FRMPD2: variants seen among roughly 807,000 people sequenced by gnomAD.
FRMPD2 encodes FERM and PDZ domain containing 2.
A neutral mutation model predicts 140.1 loss-of-function variants in FRMPD2; 96 were observed. The observed-to-expected ratio is 0.69, with a 90% CI of 0.58 to 0.81. The LOEUF is 0.81. FRMPD2 is among the 40% of genes least tolerant of loss of function. The probability of loss-of-function intolerance (pLI) is 0.00; values close to 1 mark genes in which losing one functional copy is unlikely to be tolerated. For missense variants in FRMPD2, 1,240 were observed against 1,447.4 expected (o/e 0.86, Z 2.32); for synonymous variants, 449 against 547.6 (o/e 0.82, Z 2.52).
chr10:48,208,146 G>C (rs148447996), intron 13 of FRMPD2, among the ~76,000 whole-genome samples: 1 of 152,106 alleles, frequency 6.6e-6, no homozygotes, highest in East Asian at 1.9e-4. Context: ...GGCCAGCCTG[G>C]GCATGTGATT....
At chr10:48,162,688 ATACT>A (rs1425933242) in intron 28 of FRMPD2, among the ~76,000 whole-genome samples, 3 of 146,406 alleles carry the variant, frequency 2.0e-5, no homozygotes, top group African/African-American at 7.7e-5. Flanking sequence ...AGAATCGGAA[ATACT>A]TACAGATGGA....
intron 16 of FRMPD2, among the ~76,000 whole-genome samples, chr10:48,191,501 C>T (rs1036388446): frequency 1.3e-5 from 2 of 152,132 alleles, no homozygotes; most frequent in Non-Finnish European, 1.5e-5. Context: ...TGCTCGAAAC[C>T]GTTTTGCCTT....
At chr10:48,222,037 T>C (rs79610490) in intron 12 of FRMPD2, among the ~76,000 whole-genome samples, 1 of 123,340 alleles carries the variant, frequency 8.1e-6, no homozygotes, top group Non-Finnish European at 1.7e-5. Context: ...TGGATGGATA[T>C]ATGAATAGGT....
chr10:48,203,093 G>A (rs2131866531), intron 14 of FRMPD2, among the ~76,000 whole-genome samples: 1 of 152,252 alleles, frequency 6.6e-6, no homozygotes, highest in Admixed American at 6.5e-5. Flanking sequence ...ACTGTGCCTT[G>A]CAAGAATAAA....
intron 1 of FRMPD2, among the ~76,000 whole-genome samples, chr10:48,272,117 A>C (rs185839826): frequency 1.3e-5 from 2 of 152,294 alleles, no homozygotes; most frequent in African/African-American, 4.8e-5. Flanking sequence ...ATAGTCATCT[A>C]TTCATGGTGT....
intron 15 of FRMPD2, among the ~76,000 whole-genome samples, chr10:48,195,259 A>G (rs1838924555): frequency 6.6e-6 from 1 of 152,240 alleles, no homozygotes; most frequent in Non-Finnish European, 1.5e-5. Context: ...GCCCCACTCC[A>G]CAGGGCTGAC....
At chr10:48,254,285 T>G (rs1396526896) in intron 1 of FRMPD2, among the ~76,000 whole-genome samples, 2 of 152,218 alleles carry the variant, frequency 1.3e-5, no homozygotes, top group Admixed American at 6.5e-5. Flanking sequence ...GCCTCAGGAC[T>G]ACAGTGTGGG....
chr10:48,266,540 A>C (rs1457654488), intron 1 of FRMPD2, among the ~76,000 whole-genome samples: 1 of 152,282 alleles, frequency 6.6e-6, no homozygotes, highest in Non-Finnish European at 1.5e-5. Context: ...AGACCAATAC[A>C]TATACATTTA....
intron 1 of FRMPD2, among the ~76,000 whole-genome samples, chr10:48,256,628 C>T (rs1588858079): frequency 6.6e-6 from 1 of 152,118 alleles, no homozygotes; most frequent in African/African-American, 2.4e-5. Context: ...CTCAGAGGTC[C>T]CTAAGGACCT....
chr10:48,191,024 G>A (rs1344281427), intron 16 of FRMPD2, among the ~76,000 whole-genome samples: 3 of 152,228 alleles, frequency 2.0e-5, no homozygotes, highest in South Asian at 4.1e-4. Flanking sequence ...AAGAAGTGGA[G>A]ACTATTTCTG....
At chr10:48,258,888 T>C (rs1840532400) in intron 1 of FRMPD2, among the ~76,000 whole-genome samples, 5 of 152,248 alleles carry the variant, frequency 3.3e-5, no homozygotes, top group Admixed American at 3.3e-4. Flanking sequence ...ATAAAAATTA[T>C]TGAATTATTG....
At chr10:48,241,063 G>C (rs1438103173) in intron 5 of FRMPD2, among the ~76,000 whole-genome samples, 3 of 150,668 alleles carry the variant, frequency 2.0e-5, no homozygotes, top group Admixed American at 2.0e-4. Context: ...TGGCACACCA[G>C]TGGATGGTAG....
intron 1 of FRMPD2, among the ~76,000 whole-genome samples, chr10:48,272,606 G>T (rs747761180): frequency 4.6e-4 from 70 of 152,196 alleles, no homozygotes; most frequent in Non-Finnish European, 8.7e-4. Flanking sequence ...GGCCATGGTG[G>T]TAGTATTTAT....
At chr10:48,234,846 C>T (rs1018095582) in intron 9 of FRMPD2, among the ~76,000 whole-genome samples, 1 of 152,184 alleles carries the variant, frequency 6.6e-6, no homozygotes, top group Non-Finnish European at 1.5e-5. Flanking sequence ...TTCCCATCGC[C>T]TGGAGTCTTG....
chr10:48,224,903 A>G (rs533353254), intron 10 of FRMPD2, among the ~76,000 whole-genome samples: 1 of 152,364 alleles, frequency 6.6e-6, no homozygotes, highest in South Asian at 2.1e-4. Context: ...TGAAAGGTCG[A>G]GCAAATATCA....
intron 16 of FRMPD2, among the ~76,000 whole-genome samples, chr10:48,188,338 G>A (rs1186986945): frequency 1.3e-5 from 2 of 152,248 alleles, no homozygotes; most frequent in African/African-American, 4.8e-5. Flanking sequence ...GGGAAGAACA[G>A]GGGCGGTGGG....
At chr10:48,218,616 G>A (rs918369779) in intron 12 of FRMPD2, among the ~76,000 whole-genome samples, 6 of 152,194 alleles carry the variant, frequency 3.9e-5, no homozygotes, top group African/African-American at 1.4e-4. Flanking sequence ...GTGGGCACAT[G>A]ACTCTATCAG....
Position 48,238,051 on chromosome 10 carries a change from TG to T in FRMPD2, c.860del (p.Ala287GlufsTer36). The T allele has an allele frequency of 6.2e-7, 1 of 1,614,132 alleles. No homozygotes were observed. Among genetic ancestry groups the T allele is most frequent in the Non-Finnish European group, 8.5e-7 (1 of 1,180,032 alleles). On this transcript the variant is annotated frameshift_variant, in exon 8 of 29. Coordinates refer to ENST00000374201, the MANE Select transcript of FRMPD2 (RefSeq NM_001018071.4). LOFTEE classifies it high-confidence loss of function. ...RRLSSGSVHS[A>X]ADSSWPTTPS... ...GAGTTGTTGGCCATGAGCTGTCTGC[TG>T]CCGAGTGCACAGATCCAGAGCTGAG...
chr10:48,213,368 C>T (rs762604415), intron 12 of FRMPD2, among the ~76,000 whole-genome samples: 1 of 152,224 alleles, frequency 6.6e-6, no homozygotes, highest in Non-Finnish European at 1.5e-5. Flanking sequence ...AACTCTCAGT[C>T]GTTGCTGGTG....
Sources: gnomAD v4.1 joint callset for allele counts (sites outside exome capture counted in the v4.1 genomes callset) on GRCh38, gnomAD v4.1.1 for gene constraint, MANE v1.5 for transcripts, NCBI Gene and HGNC (gene_info 2026-07-23, HGNC 2026-07-21) for gene names.